Variants in SPSB1 observed in about 807,000 individuals in gnomAD.
SPSB1 encodes the protein splA/ryanodine receptor domain and SOCS box containing 1.
SPSB1 carries 8 observed loss-of-function variants against 21.2 expected under a neutral mutation model. The observed-to-expected ratio is 0.38, with a 90% CI of 0.22 to 0.68. The LOEUF is 0.68. SPSB1 is among the 30% of genes least tolerant of loss of function. The pLI is 0.53. For synonymous variants in SPSB1, 169 were observed against 161.7 expected, an observed-to-expected ratio of 1.05 and a Z score of -0.34; for missense variants, 242 against 377.8, an observed-to-expected ratio of 0.64 and a Z score of 2.98.
Position 9,345,509 on chromosome 1 carries a change from G to A in SPSB1, c.-149-10234G>A, listed in dbSNP as rs1166918922. Among the ~76,000 whole-genome samples the A allele has an allele frequency of 6.6e-6, 1 of 152,212 alleles. No homozygotes were observed. The highest frequency in any genetic ancestry group is 2.4e-5 in the African/African-American group (1 of 41,462). On this transcript the variant is annotated intron_variant, in intron 1 of 2. Transcript: ENST00000328089. The surrounding 1 kb of genome is among the most constrained non-coding windows in gnomAD (Gnocchi z 4.8). Reference sequence around the variant, plus strand: ...TGGGTCACCTTTTGGGAAGGTTGCTGTGTGTCCCTGGGGTCCCTCAAGAAC... The same window carrying A: ...TGGGTCACCTTTTGGGAAGGTTGCTATGTGTCCCTGGGGTCCCTCAAGAAC...
intron 2 of SPSB1, among the ~76,000 whole-genome samples, chr1:9,357,816 G>A (rs1267582375): frequency 6.6e-6 from 1 of 152,174 alleles, no homozygotes; most frequent in Non-Finnish European, 1.5e-5. Context: ...GGAGGGCCTG[G>A]CGTTGCAGAA....
Position 9,357,737 on chromosome 1 carries a change from T to C in SPSB1, c.694+1152T>C, listed in dbSNP as rs188409326. ...TCTCAGACTGTGAATGCAGCCCATGTGTAGGGGCACCGTGCTGGTGTGGGA... is the reference window on the plus strand; with the variant it reads ...TCTCAGACTGTGAATGCAGCCCATGCGTAGGGGCACCGTGCTGGTGTGGGA... On this transcript the variant is annotated intron_variant, in intron 2 of 2. Coordinates refer to ENST00000328089, the MANE Select transcript of SPSB1 (RefSeq NM_025106.4). Among the ~76,000 whole-genome samples the C allele has an allele frequency of 2.9e-4, 44 of 152,212 alleles. 1 individual carries two copies. Among genetic ancestry groups the C allele is most frequent in the African/African-American group, 1.0e-3 (43 of 41,532 alleles).
At position 9,367,236 on chromosome 1, in the gene SPSB1, G is replaced by T. The variant is rs1419418091; in HGVS notation, c.695-212G>T. On this transcript the variant is annotated intron_variant, in intron 2 of 2. Transcript: ENST00000328089. This position sits in a 1 kb window ranked among gnomAD's most constrained non-coding sequence, Gnocchi z 5.9. ...CACTGTGAGGATTAAATGAGTGTTAGCAGAGGGCTCGCCCAGGTGCCCAGC... is the reference window on the plus strand; with the variant it reads ...CACTGTGAGGATTAAATGAGTGTTATCAGAGGGCTCGCCCAGGTGCCCAGC... Among the ~76,000 whole-genome samples, 1 of 152,244 alleles carries T rather than the reference G, an allele frequency of 6.6e-6. No individual in the cohort carries two copies. Among genetic ancestry groups the T allele is most frequent in the Non-Finnish European group, 1.5e-5 (1 of 68,032 alleles).
chr1:9,365,524 C>T (rs938265490), intron 2 of SPSB1, among the ~76,000 whole-genome samples: 6 of 152,098 alleles, frequency 3.9e-5, no homozygotes, highest in Non-Finnish European at 5.9e-5. Flanking sequence ...ACATACCTTA[C>T]AATTCACCCA....
At chr1:9,353,183 G>A (rs995899279) in intron 1 of SPSB1, among the ~76,000 whole-genome samples, 7 of 151,618 alleles carry the variant, frequency 4.6e-5, no homozygotes, top group Non-Finnish European at 5.9e-5. Context: ...CTCGAGAGCC[G>A]CCTCAGCCCG....
chr1:9,312,873 A>G (rs1441705667), intron 1 of SPSB1, among the ~76,000 whole-genome samples: 2 of 152,198 alleles, frequency 1.3e-5, no homozygotes, highest in Non-Finnish European at 2.9e-5. Context: ...TGAGGTGGCC[A>G]GAGGCAGTGC....
chr1:9,308,212 G>T (rs1639453336), intron 1 of SPSB1, among the ~76,000 whole-genome samples: 1 of 152,206 alleles, frequency 6.6e-6, no homozygotes, highest in South Asian at 2.1e-4. Flanking sequence ...AGTGTGCTTA[G>T]GAGCTTCTTG....
intron 1 of SPSB1, among the ~76,000 whole-genome samples, chr1:9,338,148 C>A (rs1409729562): frequency 6.6e-6 from 1 of 152,204 alleles, no homozygotes; most frequent in Non-Finnish European, 1.5e-5. Flanking sequence ...CTCGCTCCTC[C>A]CCCCAGACCT....
At chr1:9,327,678 A>G (rs1370555643) in intron 1 of SPSB1, among the ~76,000 whole-genome samples, 1 of 152,146 alleles carries the variant, frequency 6.6e-6, no homozygotes, top group Non-Finnish European at 1.5e-5. Context: ...CTGTTTCTTC[A>G]CCATTTCCTA....
rs1553128958 is a variant in SPSB1, at chr1:9,361,156, C to CCTTTTTTTTTTTTTTTTTTTT, written c.694+4571_694+4572insCTTTTTTTTTTTTTTTTTTTT. ...CAGGCATGGCTGGATCTGTCATTTT[C>CCTTTTTTTTTTTTTTTTTTTT]TTTTTTTTTTTTTTTTTTTTTTTTT... On this transcript the variant is annotated intron_variant, in intron 2 of 2. Coordinates refer to ENST00000328089, the MANE Select transcript of SPSB1 (RefSeq NM_025106.4). Among the ~76,000 whole-genome samples, 561 of 102,502 alleles carry CCTTTTTTTTTTTTTTTTTTTT rather than the reference C, an allele frequency of 5.5e-3. 84 individuals are homozygous for CCTTTTTTTTTTTTTTTTTTTT. Among genetic ancestry groups the CCTTTTTTTTTTTTTTTTTTTT allele is most frequent in the East Asian group, 7.6e-3 (26 of 3,418 alleles). 67.2% of individuals were successfully genotyped at this position (102,502 alleles called of 152,430 possible). A position where few individuals can be genotyped will look rare whatever the true frequency, so the allele number is the denominator to read the frequency against.
rs949697056 is a variant in SPSB1 at position 9,324,084 on chromosome 1, T to C, written c.-150+31013T>C. Among the ~76,000 whole-genome samples, 4 of 152,218 alleles carry C rather than the reference T, an allele frequency of 2.6e-5. No homozygotes were observed. The highest frequency in any genetic ancestry group is 9.6e-5 in the African/African-American group (4 of 41,466). ...GGTTGCTCTGAGCCTGGTTGCTCTG[T>C]CATGGCCCCACCTTTTTTCCTAGGT... On this transcript the variant is annotated intron_variant, in intron 1 of 2. Coordinates refer to ENST00000328089, the MANE Select transcript of SPSB1 (RefSeq NM_025106.4). This position sits in a 1 kb window ranked among gnomAD's most constrained non-coding sequence, Gnocchi z 4.3.
At position 9,367,976 on chromosome 1, in the gene SPSB1, C is replaced by G; in HGVS notation, c.*401C>G. ...GTGGGGGTGGCAGGTGGTACCACAG[C>G]TCTGAGAGCAGATACCAGGGGTACT... On this transcript the variant is annotated 3_prime_UTR_variant, in exon 3 of 3. Coordinates refer to ENST00000328089, the MANE Select transcript of SPSB1 (RefSeq NM_025106.4). The surrounding 1 kb of genome is among the most constrained non-coding windows in gnomAD (Gnocchi z 5.9). 1 of 191,426 alleles carries G rather than the reference C, an allele frequency of 5.2e-6. No individual in the cohort carries two copies. The highest frequency in any genetic ancestry group is 1.1e-5 in the Non-Finnish European group (1 of 91,162). 11.9% of individuals were successfully genotyped at this position (191,426 alleles called of 1,614,324 possible). A position where few individuals can be genotyped will look rare whatever the true frequency, so the allele number is the denominator to read the frequency against.
At position 9,323,811 on chromosome 1, in the gene SPSB1, A is replaced by G. The variant is rs79655866; in HGVS notation, c.-150+30740A>G. Among the ~76,000 whole-genome samples, 312 of 152,204 alleles carry G rather than the reference A, an allele frequency of 2.0e-3. 3 individuals carry two copies. The highest frequency in any genetic ancestry group is 7.2e-3 in the African/African-American group (300 of 41,516). ...TAGTTTCCAGGGTCATGAGGAATACATTTCTTCTGCTGTTGCCCACGGACG... is the reference window on the plus strand; with the variant it reads ...TAGTTTCCAGGGTCATGAGGAATACGTTTCTTCTGCTGTTGCCCACGGACG... On this transcript the variant is annotated intron_variant, in intron 1 of 2. Coordinates refer to ENST00000328089, the MANE Select transcript of SPSB1 (RefSeq NM_025106.4).
At chr1:9,349,735 G>A (rs1334424329) in intron 1 of SPSB1, among the ~76,000 whole-genome samples, 1 of 152,266 alleles carries the variant, frequency 6.6e-6, no homozygotes, top group African/African-American at 2.4e-5. Context: ...GGCCAGTTGT[G>A]TGAGGAAGGT....
intron 1 of SPSB1, among the ~76,000 whole-genome samples, chr1:9,302,486 C>T (rs1175424755): frequency 6.6e-6 from 1 of 152,202 alleles, no homozygotes; most frequent in African/African-American, 2.4e-5. Context: ...AGGCACCATC[C>T]AGTCAGCCGG....
Position 9,356,435 on chromosome 1 carries a change from G to C in SPSB1, c.544G>C (p.Asp182His). 6.2e-7 allele frequency: 1 copy of C among 1,614,146 alleles called. No homozygotes were observed. Residue 182 changes from aspartate to histidine, a missense_variant, in exon 2 of 3, where the codon GAC becomes CAC. Transcript: ENST00000328089. The surrounding 1 kb of genome is among the most constrained non-coding windows in gnomAD (Gnocchi z 7.4). Reference sequence around the variant, plus strand: ...CCCTGACTCCTTCCTGGTAGCCCTGGACATGGACGACGGGACTCTGAGCTT... The same window carrying C: ...CCCTGACTCCTTCCTGGTAGCCCTGCACATGGACGACGGGACTCTGAGCTT... Reference protein sequence around the residue: ...IVPDSFLVALDMDDGTLSFIV... With the variant: ...IVPDSFLVALHMDDGTLSFIV...
At chr1:9,296,552 C>A (rs991140984) in intron 1 of SPSB1, among the ~76,000 whole-genome samples, 1 of 138,030 alleles carries the variant, frequency 7.2e-6, no homozygotes, top group Non-Finnish European at 1.6e-5. Flanking sequence ...CTCACATATG[C>A]ACATGCATAC....
In SPSB1 at chr1:9,342,657, C is replaced by T. The variant is rs1640108771; in HGVS notation, c.-149-13086C>T. Among the ~76,000 whole-genome samples the T allele has an allele frequency of 1.3e-5, 2 of 152,232 alleles. 1 individual carries two copies. Among genetic ancestry groups the T allele is most frequent in the South Asian group, 4.1e-4 (2 of 4,826 alleles). ...ATCCCCCGCCAGCCCGCGGGGTCAT[C>T]CCCTCCCCAGACCACAGTTTGGGCC... On this transcript the variant is annotated intron_variant, in intron 1 of 2. Transcript: ENST00000328089.
intron 1 of SPSB1, among the ~76,000 whole-genome samples, chr1:9,319,640 C>T (rs966104309): frequency 6.6e-6 from 1 of 152,184 alleles, no homozygotes; most frequent in Non-Finnish European, 1.5e-5. Flanking sequence ...GCTGGTATTC[C>T]GTTCCGGCTG....
Sources: gnomAD v4.1 joint callset for allele counts (sites outside exome capture counted in the v4.1 genomes callset) on GRCh38, gnomAD v4.1.1 for gene constraint, Gnocchi (gnomAD v3.1) non-coding constraint, MANE v1.5 for transcripts, NCBI Gene and HGNC (gene_info 2026-07-23, HGNC 2026-07-21) for gene names.